The following GUCY1A2 variants were observed in gnomAD, a reference collection of about 807,000 sequenced individuals.
GUCY1A2 encodes guanylate cyclase 1 soluble subunit alpha 2.
A neutral mutation model predicts 63.5 loss-of-function variants in GUCY1A2; 27 were observed. That is an observed-to-expected ratio of 0.43 (90% CI 0.31 to 0.59). The LOEUF (loss-of-function observed/expected upper bound fraction) is 0.59. Ranked by LOEUF, GUCY1A2 falls within the 20% of genes least tolerant of loss-of-function variation. The probability of loss-of-function intolerance (pLI) is 0.11; values close to 1 mark genes in which losing one functional copy is unlikely to be tolerated. For synonymous variants in GUCY1A2, 364 were observed against 343.5 expected (o/e 1.06, Z -0.66); for missense variants, 768 against 913.3 (o/e 0.84, Z 2.05).
chr11:106,761,712 G>T (rs897179058), intron 6 of GUCY1A2, among the ~76,000 whole-genome samples: 1 of 152,098 alleles, frequency 6.6e-6, no homozygotes, highest in South Asian at 2.1e-4. Context: ...AGTTTAAAAG[G>T]GAAGCTTTGC....
intron 4 of GUCY1A2, among the ~76,000 whole-genome samples, chr11:106,812,937 C>T (rs1858781528): frequency 6.6e-6 from 1 of 151,808 alleles, no homozygotes; most frequent in Non-Finnish European, 1.5e-5. Context: ...TTCAATGGCA[C>T]CATTTGTATC....
At chr11:106,977,711 AG>A (rs1481093937) in intron 3 of GUCY1A2, among the ~76,000 whole-genome samples, 5 of 152,198 alleles carry the variant, frequency 3.3e-5, no homozygotes, top group African/African-American at 9.7e-5. Context: ...AGGAAAAGAA[AG>A]AACATGCAAA....
intron 4 of GUCY1A2, among the ~76,000 whole-genome samples, chr11:106,838,113 T>C (rs1397490690): frequency 6.6e-6 from 1 of 151,914 alleles, no homozygotes; most frequent in East Asian, 1.9e-4. Context: ...ATTATAAAAT[T>C]GTCCCTCGTG....
Position 107,018,142 on chromosome 11 carries a change from C to T in GUCY1A2, c.-87G>A, listed in dbSNP as rs1861855084. 2.4e-6 allele frequency: 2 copies of T among 848,996 alleles called. No homozygotes were observed. The highest frequency in any genetic ancestry group is 3.2e-6 in the Non-Finnish European group (2 of 628,890). 52.6% of individuals were successfully genotyped at this position (848,996 alleles called of 1,614,324 possible). A position where few individuals can be genotyped will look rare whatever the true frequency, so the allele number is the denominator to read the frequency against. The stretch of plus-strand genomic sequence containing the variant: ...CGGCGGTGGCGGGACCGGCAAGCGA[C>T]AACGTTAAGCGCGTCGGGGCCGCGG... On this transcript the variant is annotated 5_prime_UTR_variant, in exon 1 of 8. Coordinates refer to ENST00000526355, the MANE Select transcript of GUCY1A2 (RefSeq NM_000855.3).
chr11:106,959,586 C>T (rs1476081347), intron 3 of GUCY1A2, among the ~76,000 whole-genome samples: 1 of 152,154 alleles, frequency 6.6e-6, no homozygotes, highest in African/African-American at 2.4e-5. Flanking sequence ...AGAGAGCTGC[C>T]GGCTCAAGAT....
intron 4 of GUCY1A2, among the ~76,000 whole-genome samples, chr11:106,890,793 G>A (rs1009693165): frequency 2.0e-5 from 3 of 152,108 alleles, no homozygotes; most frequent in African/African-American, 7.2e-5. Context: ...GACTCTTTAA[G>A]TTTAAGCCTA....
chr11:106,684,166 A>G lies in GUCY1A2; in HGVS notation c.*3383T>C, dbSNP rs2135330058. On this transcript the variant is annotated 3_prime_UTR_variant, in exon 8 of 8. Coordinates refer to ENST00000526355, the MANE Select transcript of GUCY1A2 (RefSeq NM_000855.3). ...CAAGAGGAAGGAGTGCAAGACTGTA[A>G]GAAACAACATTTGAAGTGCTGAACC... 1 of 184,748 alleles carries G rather than the reference A, an allele frequency of 5.4e-6. No homozygotes were observed. Among genetic ancestry groups the G allele is most frequent in the Non-Finnish European group, 1.1e-5 (1 of 87,044 alleles). 11.4% of individuals were successfully genotyped at this position (184,748 alleles called of 1,614,324 possible).
At chr11:106,765,381 T>G (rs937414967) in intron 6 of GUCY1A2, among the ~76,000 whole-genome samples, 1 of 152,114 alleles carries the variant, frequency 6.6e-6, no homozygotes, top group African/African-American at 2.4e-5. Context: ...GAGAGAAAAC[T>G]GAGTCTATTT....
chr11:106,909,813 A>T (rs772567540), intron 4 of GUCY1A2, among the ~76,000 whole-genome samples: 13 of 152,008 alleles, frequency 8.6e-5, no homozygotes, highest in Non-Finnish European at 1.8e-4. Context: ...CTGTCATGCA[A>T]ATTCCAGTAT....
chr11:106,907,994 A>C (rs1860236938), intron 4 of GUCY1A2, among the ~76,000 whole-genome samples: 1 of 152,148 alleles, frequency 6.6e-6, no homozygotes, highest in African/African-American at 2.4e-5. Flanking sequence ...ACACAATCCA[A>C]ATACAATAAT....
At chr11:106,971,037 G>A (rs1339012164) in intron 3 of GUCY1A2, among the ~76,000 whole-genome samples, 2 of 152,124 alleles carry the variant, frequency 1.3e-5, no homozygotes, top group African/African-American at 2.4e-5. Context: ...ATGGCAAACA[G>A]ATCGGTACTT....
At chr11:106,872,416 T>G (rs1314990588) in intron 4 of GUCY1A2, among the ~76,000 whole-genome samples, 1 of 152,178 alleles carries the variant, frequency 6.6e-6, no homozygotes, top group Non-Finnish European at 1.5e-5. Flanking sequence ...TGCTTATTAT[T>G]AGACTATCTA....
chr11:106,823,943 T>C, intron 4 of GUCY1A2: 1 of 473,118 alleles, frequency 2.1e-6, no homozygotes. Context: ...TTGTAAATTT[T>C]ATTATTTCAA....
chr11:106,769,303 T>A (rs907050945), intron 6 of GUCY1A2, among the ~76,000 whole-genome samples: 1 of 152,096 alleles, frequency 6.6e-6, no homozygotes, highest in African/African-American at 2.4e-5. Context: ...AAAAACGGTA[T>A]GAAAAATTTT....
chr11:106,778,859 G>A (rs1341468309), intron 5 of GUCY1A2, among the ~76,000 whole-genome samples: 1 of 151,868 alleles, frequency 6.6e-6, no homozygotes, highest in Non-Finnish European at 1.5e-5. Flanking sequence ...TTCATTTTAT[G>A]AGCGCCATCT....
chr11:106,871,061 T>C (rs963406875), intron 4 of GUCY1A2, among the ~76,000 whole-genome samples: 15 of 147,538 alleles, frequency 1.0e-4, no homozygotes, highest in African/African-American at 3.7e-4. Flanking sequence ...AAGTGCATAA[T>C]TAGCAACTAA....
intron 6 of GUCY1A2, among the ~76,000 whole-genome samples, chr11:106,750,244 C>A (rs1863860238): frequency 6.6e-6 from 1 of 151,990 alleles, no homozygotes; most frequent in Non-Finnish European, 1.5e-5. Context: ...AAAGAGCCGG[C>A]AGATTTAGCA....
chr11:106,856,183 G>T (rs1464547013), intron 4 of GUCY1A2, among the ~76,000 whole-genome samples: 1 of 151,360 alleles, frequency 6.6e-6, no homozygotes, highest in Non-Finnish European at 1.5e-5. Flanking sequence ...CCAGCTACTT[G>T]GGAGCCTGAT....
intron 1 of GUCY1A2, among the ~76,000 whole-genome samples, chr11:107,002,010 C>A (rs1462479570): frequency 6.7e-6 from 1 of 150,002 alleles, no homozygotes; most frequent in African/African-American, 2.5e-5. Flanking sequence ...CAGAGTGAGA[C>A]TCTGTCTCAA....
Sources: allele counts gnomAD v4.1 joint callset (sites outside exome capture counted in the v4.1 genomes callset), GRCh38; gene constraint gnomAD v4.1.1; transcripts MANE v1.5; gene names NCBI Gene and HGNC (gene_info 2026-07-23, HGNC 2026-07-21).